The following ANKRD45 variants were observed in gnomAD, a reference collection of about 807,000 sequenced individuals.
ANKRD45 encodes the protein ankyrin repeat domain-containing protein 45.
Under a neutral mutation model 28.1 loss-of-function variants are expected in ANKRD45, and 21 were observed. The observed-to-expected ratio is 0.75, with a 90% confidence interval of 0.53 to 1.08. ANKRD45 has a LOEUF of 1.08. ANKRD45 is among the 50% of genes least tolerant of loss of function. The probability of loss-of-function intolerance (pLI) is 0.00; values close to 1 mark genes in which losing one functional copy is unlikely to be tolerated. For synonymous variants in ANKRD45, 86 were observed against 103.9 expected (o/e 0.83, Z 1.05); for missense variants, 261 against 308.7 (o/e 0.85, Z 1.16).
chr1:173,631,367 A>G (rs532400266), intron 3 of ANKRD45, among the ~76,000 whole-genome samples: 88 of 152,178 alleles, frequency 5.8e-4, no homozygotes, highest in Non-Finnish European at 1.2e-3. Flanking sequence ...CCCCAATACA[A>G]TAATAGGTGG....
At chr1:173,654,978 A>T (rs140705719) in intron 2 of ANKRD45, among the ~76,000 whole-genome samples, 6,630 of 152,176 alleles carry the variant, frequency 0.044, 235 homozygotes, top group Non-Finnish European at 0.069. Context: ...TACACTGTTT[A>T]TTCTAGTTAG....
At chr1:173,682,160 T>C in the ANKRD45 span, among the ~76,000 whole-genome samples, 3 of 152,158 alleles carry the variant, frequency 2.0e-5, no homozygotes, top group Non-Finnish European at 4.4e-5. Context: ...ATCTTTTAAC[T>C]GCATCTCTGA....
At chr1:173,688,441 TGCCTCTTC>T in the ANKRD45 span, among the ~76,000 whole-genome samples, 1 of 146,862 alleles carries the variant, frequency 6.8e-6, no homozygotes, top group East Asian at 2.1e-4. Flanking sequence ...TCTCTCTCTC[TGCCTCTTC>T]CTCTACCTCT....
At chr1:173,631,328 AT>A (rs1359198858) in intron 3 of ANKRD45, among the ~76,000 whole-genome samples, 1 of 152,148 alleles carries the variant, frequency 6.6e-6, no homozygotes, top group Non-Finnish European at 1.5e-5. Context: ...TTTAAAGCAA[AT>A]ATTACTAGAG....
At chr1:173,654,161 C>T (rs1384195433) in intron 2 of ANKRD45, among the ~76,000 whole-genome samples, 3 of 151,980 alleles carry the variant, frequency 2.0e-5, no homozygotes, top group Non-Finnish European at 2.9e-5. Context: ...GATTATTTTG[C>T]CTGTTAGTTG....
chr1:173,648,709 A>G (rs932603175), intron 2 of ANKRD45, among the ~76,000 whole-genome samples: 1 of 152,192 alleles, frequency 6.6e-6, no homozygotes, highest in African/African-American at 2.4e-5. Context: ...ATTCCCACAC[A>G]TTGGAAAATA....
chr1:173,634,758 A>G (rs561201905), intron 3 of ANKRD45, among the ~76,000 whole-genome samples: 7 of 151,874 alleles, frequency 4.6e-5, no homozygotes, highest in Non-Finnish European at 1.0e-4. Flanking sequence ...TTATTATATT[A>G]CTTTTTGCTT....
At chr1:173,662,736 T>C (rs1178495338) in intron 1 of ANKRD45, among the ~76,000 whole-genome samples, 1 of 152,118 alleles carries the variant, frequency 6.6e-6, no homozygotes, top group African/African-American at 2.4e-5. Context: ...ACAAAAATCT[T>C]TTCTAACAAG....
At chr1:173,662,315 G>T (rs1034508873) in intron 1 of ANKRD45, among the ~76,000 whole-genome samples, 5 of 152,182 alleles carry the variant, frequency 3.3e-5, no homozygotes, top group Admixed American at 6.5e-5. Flanking sequence ...ATAGTCGAAA[G>T]ATCATTGTGA....
the ANKRD45 span, among the ~76,000 whole-genome samples, chr1:173,712,882 C>T: frequency 1.4e-4 from 22 of 152,264 alleles, 1 homozygote; most frequent in African/African-American, 5.1e-4. Flanking sequence ...ATTACTGGGG[C>T]CCACCTTCAG....
At chr1:173,614,674 A>ACCT (rs1667381157) in intron 5 of ANKRD45, among the ~76,000 whole-genome samples, 1 of 152,218 alleles carries the variant, frequency 6.6e-6, no homozygotes, top group South Asian at 2.1e-4. Flanking sequence ...GGTTCCCAAC[A>ACCT]CACATGTTCC....
chr1:173,696,792 T>C, the ANKRD45 span, among the ~76,000 whole-genome samples: 3 of 152,172 alleles, frequency 2.0e-5, no homozygotes, highest in Admixed American at 1.3e-4. Context: ...AGAATAGTTT[T>C]TTCTATTCAA....
chr1:173,621,614 T>C (rs1667707099), intron 5 of ANKRD45, among the ~76,000 whole-genome samples: 1 of 152,134 alleles, frequency 6.6e-6, no homozygotes, highest in Admixed American at 6.5e-5. Flanking sequence ...TATCTCTTCA[T>C]GTTAAAAATT....
chr1:173,630,157 T>C (rs1668126534), intron 3 of ANKRD45, among the ~76,000 whole-genome samples: 2 of 152,170 alleles, frequency 1.3e-5, no homozygotes. Flanking sequence ...GAAGAAATGC[T>C]AAAGGGAGTT....
the ANKRD45 span, among the ~76,000 whole-genome samples, chr1:173,680,230 A>G: frequency 1.6e-4 from 25 of 152,232 alleles, no homozygotes; most frequent in African/African-American, 5.8e-4. Context: ...CTATAAAGAC[A>G]CATGCACACG....
chr1:173,657,268 AC>A, intron 2 of ANKRD45: 1 of 235,726 alleles, frequency 4.2e-6, no homozygotes, highest in Non-Finnish European at 9.1e-6. Flanking sequence ...GGATTTTGAG[AC>A]CAGCCTGGCC....
At chr1:173,689,393 G>A in the ANKRD45 span, among the ~76,000 whole-genome samples, 7 of 152,286 alleles carry the variant, frequency 4.6e-5, no homozygotes, top group Admixed American at 3.9e-4. Flanking sequence ...CCATCTGTTG[G>A]AAGGTGGAAA....
the ANKRD45 span, among the ~76,000 whole-genome samples, chr1:173,691,300 T>C: frequency 6.6e-6 from 1 of 152,176 alleles, no homozygotes; most frequent in Non-Finnish European, 1.5e-5. Flanking sequence ...GGGTGGGTCT[T>C]GATTTCTCAC....
At chr1:173,682,039 ACT>A in the ANKRD45 span, among the ~76,000 whole-genome samples, 1 of 148,496 alleles carries the variant, frequency 6.7e-6, no homozygotes, top group African/African-American at 2.5e-5. Context: ...ACAGAGTGAG[ACT>A]CTGTCTCAAA....
Sources: gnomAD v4.1 joint callset for allele counts (sites outside exome capture counted in the v4.1 genomes callset) on GRCh38, gnomAD v4.1.1 for gene constraint, MANE v1.5 for transcripts, NCBI Gene and HGNC (gene_info 2026-07-23, HGNC 2026-07-21) for gene names.